AGBL4: variants seen among roughly 807,000 people sequenced by gnomAD.
AGBL4 encodes the protein AGBL carboxypeptidase 4, also known as cytosolic carboxypeptidase 6.
Under a neutral mutation model 66.4 loss-of-function variants are expected in AGBL4, and 58 were observed. That is an observed-to-expected ratio of 0.87 (90% CI 0.71 to 1.09). The LOEUF is 1.09. Among genes scored for constraint, AGBL4 ranks in the 50% least tolerant of loss-of-function variants. The pLI is 0.00. For missense variants in AGBL4, 579 were observed against 631.0 expected (o/e 0.92, Z 0.88); for synonymous variants, 234 against 222.9 (o/e 1.05, Z -0.44).
At chr1:49,345,680 T>A (rs893109627) in intron 3 of AGBL4, among the ~76,000 whole-genome samples, 4 of 152,198 alleles carry the variant, frequency 2.6e-5, no homozygotes, top group African/African-American at 9.6e-5. Context: ...TGAGCTATTA[T>A]AGCTTTTAAC....
At chr1:48,721,909 C>T (rs757062917) in intron 6 of AGBL4, among the ~76,000 whole-genome samples, 93 of 152,100 alleles carry the variant, frequency 6.1e-4, no homozygotes, top group Admixed American at 1.6e-3. Context: ...AATGAGTGTG[C>T]ACTATATGCC....
At chr1:49,695,958 G>C (rs1385760456) in intron 3 of AGBL4, among the ~76,000 whole-genome samples, 1 of 152,056 alleles carries the variant, frequency 6.6e-6, no homozygotes, top group Non-Finnish European at 1.5e-5. Flanking sequence ...GCCACTGTCT[G>C]ACACACAAGT....
intron 9 of AGBL4, among the ~76,000 whole-genome samples, chr1:48,598,408 T>C (rs1645027967): frequency 6.6e-6 from 1 of 152,128 alleles, no homozygotes; most frequent in African/African-American, 2.4e-5. Context: ...TATAGCCTAC[T>C]ACACACCTAG....
intron 9 of AGBL4, among the ~76,000 whole-genome samples, chr1:48,624,556 G>C (rs1645468229): frequency 6.6e-6 from 1 of 152,192 alleles, no homozygotes; most frequent in Non-Finnish European, 1.5e-5. Flanking sequence ...GATGCCTGTA[G>C]GAATCCAAAC....
intron 1 of AGBL4, among the ~76,000 whole-genome samples, chr1:49,972,480 A>G (rs1658213081): frequency 6.6e-6 from 1 of 152,136 alleles, no homozygotes; most frequent in Admixed American, 6.5e-5. Context: ...AATTCCATCA[A>G]TGTTGCTGCA....
At chr1:49,841,882 C>A in intron 2 of AGBL4, 1 of 614,516 alleles carries the variant, frequency 1.6e-6, no homozygotes, top group East Asian at 4.0e-5. Context: ...TGCCAGAAGC[C>A]AGGGCATGAC....
intron 2 of AGBL4, among the ~76,000 whole-genome samples, chr1:49,699,263 T>G (rs1384776145): frequency 6.6e-6 from 1 of 152,100 alleles, no homozygotes; most frequent in South Asian, 2.1e-4. Context: ...GTCTTTGGCC[T>G]TCTGCAACTA....
intron 4 of AGBL4, among the ~76,000 whole-genome samples, chr1:49,152,363 T>C (rs1471935525): frequency 6.6e-6 from 1 of 152,202 alleles, no homozygotes; most frequent in African/African-American, 2.4e-5. Context: ...GAGTGTTCAC[T>C]CTGTCAGTCA....
chr1:49,423,279 C>A (rs1645584275), intron 3 of AGBL4: 1 of 152,166 alleles, frequency 6.6e-6, no homozygotes, highest in Non-Finnish European at 1.5e-5. Context: ...CAGGGTTTGT[C>A]TTTTTTATTC....
chr1:48,836,976 T>G (rs1206784537), intron 6 of AGBL4, among the ~76,000 whole-genome samples: 1 of 148,170 alleles, frequency 6.7e-6, no homozygotes, highest in Non-Finnish European at 1.5e-5. Context: ...TATACAATAT[T>G]ATATGTAAAT....
chr1:48,637,606 T>C (rs1024094659), intron 8 of AGBL4, among the ~76,000 whole-genome samples: 2 of 147,706 alleles, frequency 1.4e-5, no homozygotes, highest in African/African-American at 4.9e-5. Flanking sequence ...GACTGGGTGA[T>C]GCGAGGCAGC....
At chr1:49,723,478 C>T (rs566421078) in intron 2 of AGBL4, among the ~76,000 whole-genome samples, 3 of 152,176 alleles carry the variant, frequency 2.0e-5, no homozygotes, top group African/African-American at 7.2e-5. Flanking sequence ...ATCTGTACAA[C>T]TTTATCTACC....
At chr1:48,852,072 G>C (rs928019927) in intron 6 of AGBL4, among the ~76,000 whole-genome samples, 1 of 118,854 alleles carries the variant, frequency 8.4e-6, no homozygotes, top group African/African-American at 3.3e-5. Flanking sequence ...TAATGCTCAT[G>C]ACAGCCCTAT....
intron 4 of AGBL4, among the ~76,000 whole-genome samples, chr1:49,142,184 C>G (rs183620091): frequency 6.6e-6 from 1 of 152,246 alleles, no homozygotes; most frequent in Non-Finnish European, 1.5e-5. Context: ...AATCCTAAAA[C>G]CATCTCCCCG....
intron 4 of AGBL4, among the ~76,000 whole-genome samples, chr1:49,151,204 G>A (rs1208113424): frequency 6.7e-6 from 1 of 150,134 alleles, no homozygotes; most frequent in Non-Finnish European, 1.5e-5. Flanking sequence ...GGGAGGCGAA[G>A]CTTGCAGTGA....
At chr1:49,599,848 T>C (rs1163107230) in intron 3 of AGBL4, among the ~76,000 whole-genome samples, 1 of 152,210 alleles carries the variant, frequency 6.6e-6, no homozygotes, top group Non-Finnish European at 1.5e-5. Context: ...ACTTACATAT[T>C]CCTGCCTTAA....
intron 2 of AGBL4, chr1:49,844,700 C>T (rs537254996): frequency 6.2e-7 from 1 of 1,600,224 alleles, no homozygotes; most frequent in Admixed American, 1.7e-5. Flanking sequence ...GACTTGGAAA[C>T]TAGACCCAAA....
chr1:49,561,624 A>C lies in AGBL4; in HGVS notation c.282+135689T>G, dbSNP rs1218172660. 1.5e-4 allele frequency among the ~76,000 whole-genome samples: 23 copies of C among 152,066 alleles called. 1 individual carries two copies. The highest frequency in any genetic ancestry group is 1.5e-3 in the Admixed American group (23 of 15,230). On this transcript the variant is annotated intron_variant, in intron 3 of 13. Coordinates refer to ENST00000371839, the MANE Select transcript of AGBL4 (RefSeq NM_032785.4). ...TTTCCAGCTTCCTCCATGTCCCTAC[A>C]AAGGACATGAACTCATCATTTTTTA...
At chr1:49,490,194 C>A (rs567095332) in intron 3 of AGBL4, among the ~76,000 whole-genome samples, 13 of 151,582 alleles carry the variant, frequency 8.6e-5, no homozygotes, top group Non-Finnish European at 1.6e-4. Context: ...TAGATTAATT[C>A]TCTTTGATTC....
Sources: allele counts gnomAD v4.1 joint callset (sites outside exome capture counted in the v4.1 genomes callset), GRCh38; gene constraint gnomAD v4.1.1; transcripts MANE v1.5; gene names NCBI Gene and HGNC (gene_info 2026-07-23, HGNC 2026-07-21).